The following SNX3 variants were observed in gnomAD, a reference collection of about 807,000 sequenced individuals.
SNX3 encodes the protein sorting nexin 3.
A neutral mutation model predicts 17.7 loss-of-function variants in SNX3; 5 were observed. The observed-to-expected ratio is 0.28, with a 90% CI of 0.15 to 0.59. The LOEUF is 0.59. Ranked by LOEUF, SNX3 falls within the 20% of genes least tolerant of loss-of-function variation. The pLI, the probability that SNX3 is intolerant of heterozygous loss-of-function variation, is 0.88. For synonymous variants in SNX3, 91 were observed against 76.5 expected (o/e 1.19, Z -0.99); for missense variants, 132 against 206.8 (o/e 0.64, Z 2.22).
At chr6:108,232,053 T>G (rs941156022) in intron 1 of SNX3, among the ~76,000 whole-genome samples, 1 of 152,180 alleles carries the variant, frequency 6.6e-6, no homozygotes, top group African/African-American at 2.4e-5. Context: ...ATATTTTGCT[T>G]GGCTTATGAA....
chr6:108,234,767 C>T lies in SNX3; in HGVS notation c.163-11722G>A, dbSNP rs572421262. ...ATTAACATGATTATATACAGACATC[C>T]CTGGGTGAGAGGCTGTATAGTACAA... On this transcript the variant is annotated intron_variant, in intron 1 of 3. Transcript: ENST00000230085. Among the ~76,000 whole-genome samples the T allele has an allele frequency of 2.6e-5, 4 of 151,822 alleles. No individual in the cohort carries two copies. The East Asian group carries it at 7.7e-4, about 29-fold the overall frequency.
At chr6:108,229,521 C>A (rs1332728481) in intron 1 of SNX3, among the ~76,000 whole-genome samples, 1 of 150,442 alleles carries the variant, frequency 6.6e-6, no homozygotes, top group Non-Finnish European at 1.5e-5. Flanking sequence ...GATCCTTCCA[C>A]CTCAGCCTCC....
intron 1 of SNX3, among the ~76,000 whole-genome samples, chr6:108,240,971 T>C (rs888802014): frequency 3.3e-5 from 5 of 151,328 alleles, no homozygotes; most frequent in African/African-American, 9.7e-5. Flanking sequence ...TGAAACCCTG[T>C]CTCTACTAAA....
chr6:108,239,470 A>G (rs545774771), intron 1 of SNX3, among the ~76,000 whole-genome samples: 1 of 152,194 alleles, frequency 6.6e-6, no homozygotes, highest in Non-Finnish European at 1.5e-5. Flanking sequence ...AAAGAAAAAG[A>G]AAGAAAATAC....
intron 2 of SNX3, among the ~76,000 whole-genome samples, chr6:108,219,524 C>T (rs1159360402): frequency 2.0e-5 from 3 of 152,228 alleles, no homozygotes; most frequent in Non-Finnish European, 4.4e-5. Flanking sequence ...AGGAAAATCA[C>T]TTGAGACCAG....
At chr6:108,231,244 C>T (rs1490990631) in intron 1 of SNX3, among the ~76,000 whole-genome samples, 2 of 152,142 alleles carry the variant, frequency 1.3e-5, no homozygotes, top group African/African-American at 4.8e-5. Context: ...CGCCACCACG[C>T]CCGGCTAATT....
At chr6:108,257,209 A>G (rs770859772) in intron 1 of SNX3, among the ~76,000 whole-genome samples, 62 of 152,220 alleles carry the variant, frequency 4.1e-4, no homozygotes, top group Non-Finnish European at 8.2e-4. Flanking sequence ...GAGCAGCAAC[A>G]TTTAGAAAAT....
intron 2 of SNX3, among the ~76,000 whole-genome samples, chr6:108,222,645 T>A (rs141164674): frequency 6.6e-6 from 1 of 152,110 alleles, no homozygotes; most frequent in East Asian, 1.9e-4. Context: ...TTGGCTTAAG[T>A]GTGTGGAGAG....
chr6:108,226,992 C>T (rs1774991290), intron 1 of SNX3, among the ~76,000 whole-genome samples: 1 of 152,126 alleles, frequency 6.6e-6, no homozygotes, highest in South Asian at 2.1e-4. Context: ...TACTAAAAGT[C>T]AAGCTTATAT....
intron 1 of SNX3, among the ~76,000 whole-genome samples, chr6:108,247,046 G>A (rs374537000): frequency 6.6e-6 from 1 of 152,124 alleles, no homozygotes; most frequent in African/African-American, 2.4e-5. Flanking sequence ...CCAGGTGACC[G>A]TATCATGGGG....
chr6:108,255,785 T>C (rs1776009802), intron 1 of SNX3, among the ~76,000 whole-genome samples: 1 of 152,234 alleles, frequency 6.6e-6, no homozygotes, highest in Non-Finnish European at 1.5e-5. Context: ...TAATTTAAGA[T>C]TAGATGACTG....
intron 1 of SNX3, among the ~76,000 whole-genome samples, chr6:108,259,977 A>T (rs183324749): frequency 6.6e-6 from 1 of 152,372 alleles, no homozygotes; most frequent in East Asian, 1.9e-4. Flanking sequence ...TTCAATTAAC[A>T]TCTTTCAAAT....
intron 1 of SNX3, among the ~76,000 whole-genome samples, chr6:108,239,019 G>A (rs143432776): frequency 6.6e-6 from 1 of 151,722 alleles, no homozygotes; most frequent in African/African-American, 2.4e-5. Flanking sequence ...TCCTATGTCA[G>A]CCTCCCGAGT....
At position 108,260,749 on chromosome 6, in the gene SNX3, G is replaced by C. The variant is rs763986668; in HGVS notation, c.162+11C>G. On this transcript the variant is annotated intron_variant, in intron 1 of 3. Transcript: ENST00000230085. ...GAGGGGTTTCTTGGGAGAGGGGAGAGACGGCCTCACCTTGACCCTGATTTC... is the reference window on the plus strand; with the variant it reads ...GAGGGGTTTCTTGGGAGAGGGGAGACACGGCCTCACCTTGACCCTGATTTC... The C allele has an allele frequency of 8.8e-5, 142 of 1,613,386 alleles. No homozygotes were observed. The highest frequency in any genetic ancestry group is 1.2e-4 in the Non-Finnish European group (138 of 1,179,642).
chr6:108,232,228 C>T (rs755756261), intron 1 of SNX3, among the ~76,000 whole-genome samples: 7 of 152,040 alleles, frequency 4.6e-5, no homozygotes, highest in African/African-American at 9.7e-5. Flanking sequence ...ATGTGTATGC[C>T]GGATACTCTT....
intron 1 of SNX3, among the ~76,000 whole-genome samples, chr6:108,252,741 G>A (rs763147460): frequency 3.9e-5 from 6 of 152,030 alleles, no homozygotes; most frequent in Middle Eastern, 3.4e-3. Context: ...CAAGGTTCAC[G>A]CAATCTTTGT....
At chr6:108,224,926 C>T (rs1018179574) in intron 1 of SNX3, among the ~76,000 whole-genome samples, 2 of 152,136 alleles carry the variant, frequency 1.3e-5, no homozygotes, top group African/African-American at 4.8e-5. Context: ...CTTCAGTCAA[C>T]TTCTAAATTT....
chr6:108,243,854 A>C (rs934861165), intron 1 of SNX3, among the ~76,000 whole-genome samples: 5 of 152,170 alleles, frequency 3.3e-5, no homozygotes, highest in African/African-American at 4.8e-5. Context: ...AATCGCATGA[A>C]CCTGGGAGGT....
intron 1 of SNX3, among the ~76,000 whole-genome samples, chr6:108,260,393 G>C (rs951233680): frequency 1.3e-5 from 2 of 152,202 alleles, no homozygotes; most frequent in Non-Finnish European, 2.9e-5. Context: ...CTTTAACTTT[G>C]CGCAAGCCCC....
Sources: allele counts gnomAD v4.1 joint callset (sites outside exome capture counted in the v4.1 genomes callset), GRCh38; gene constraint gnomAD v4.1.1; transcripts MANE v1.5; gene names NCBI Gene and HGNC (gene_info 2026-07-23, HGNC 2026-07-21).